The following TARS3 variants were observed in gnomAD, a reference collection of about 807,000 sequenced individuals.
The protein encoded by TARS3 is threonyl-tRNA synthetase 3.
In TARS3, 94 loss-of-function variants were observed where a neutral mutation model predicts 103.5. The observed-to-expected ratio is 0.91, with a 90% CI of 0.77 to 1.08. The LOEUF is 1.08. TARS3 is among the 50% of genes least tolerant of loss of function. TARS3 has a pLI of 0.00. For synonymous variants in TARS3, 416 were observed against 355.4 expected (o/e 1.17, Z -1.92); for missense variants, 952 against 995.2 (o/e 0.96, Z 0.58).
intron 15 of TARS3, among the ~76,000 whole-genome samples, chr15:101,665,193 C>T (rs1452349564): frequency 6.6e-6 from 1 of 152,142 alleles, no homozygotes; most frequent in Non-Finnish European, 1.5e-5. Flanking sequence ...AAAAACAATA[C>T]AACGTTTGCA....
At chr15:101,699,677 G>C (rs1342968413) in intron 10 of TARS3, among the ~76,000 whole-genome samples, 2 of 152,074 alleles carry the variant, frequency 1.3e-5, no homozygotes, top group Non-Finnish European at 2.9e-5. Context: ...CCATTGCCTC[G>C]CATTGGCCAG....
At chr15:101,721,612 G>C (rs1196350595) in intron 2 of TARS3, among the ~76,000 whole-genome samples, 2 of 152,008 alleles carry the variant, frequency 1.3e-5, no homozygotes, top group African/African-American at 2.4e-5. Flanking sequence ...TTCCTGCCTC[G>C]GCCACCCGAG....
At chr15:101,680,436 C>T (rs1898214655) in intron 12 of TARS3, among the ~76,000 whole-genome samples, 1 of 152,114 alleles carries the variant, frequency 6.6e-6, no homozygotes, top group African/African-American at 2.4e-5. Context: ...CAAAACAAAA[C>T]AAAACAAAAA....
At chr15:101,672,919 G>A (rs1252653032) in intron 13 of TARS3, among the ~76,000 whole-genome samples, 1 of 152,152 alleles carries the variant, frequency 6.6e-6, no homozygotes, top group Non-Finnish European at 1.5e-5. Context: ...GGGACTGCAA[G>A]AAGCTAAAAA....
chr15:101,696,836 GC>G (rs1213643656), intron 10 of TARS3, among the ~76,000 whole-genome samples: 6 of 152,152 alleles, frequency 3.9e-5, no homozygotes, highest in Admixed American at 3.9e-4. Flanking sequence ...ACACAACTGA[GC>G]AGCATTTCTT....
At chr15:101,662,087 C>T (rs1432143310) in intron 15 of TARS3, among the ~76,000 whole-genome samples, 1 of 152,134 alleles carries the variant, frequency 6.6e-6, no homozygotes, top group Non-Finnish European at 1.5e-5. Flanking sequence ...CTCAGCTTCA[C>T]AAAATGTCAA....
intron 16 of TARS3, 60 bp downstream of exon 16, chr15:101,661,652 A>G: frequency 9.8e-7 from 1 of 1,023,436 alleles, no homozygotes; most frequent in South Asian, 1.7e-5. Flanking sequence ...AAAAATGAGT[A>G]AATTAATAAA....
chr15:101,671,042 T>C (rs539080222), intron 15 of TARS3, among the ~76,000 whole-genome samples: 1 of 151,502 alleles, frequency 6.6e-6, no homozygotes, highest in East Asian at 1.9e-4. Flanking sequence ...ATCATAACCA[T>C]CAAGCTGTAC....
At chr15:101,722,916 G>A (rs1900560029) in intron 2 of TARS3, among the ~76,000 whole-genome samples, 177 bp downstream of exon 2, 1 of 151,760 alleles carries the variant, frequency 6.6e-6, no homozygotes, top group African/African-American at 2.4e-5. Flanking sequence ...ATTAAACATG[G>A]GCAGCTCATT....
At position 101,711,976 on chromosome 15, in the gene TARS3, A is replaced by C; in HGVS notation, c.716T>G (p.Ile239Ser). The C allele has an allele frequency of 6.2e-7, 1 of 1,613,824 alleles. No homozygotes were observed. The highest frequency in any genetic ancestry group is 8.5e-7 in the Non-Finnish European group (1 of 1,179,772). The part of the protein sequence containing the change: ...QAVYWHSSAH[I>S]LGEAMELYYG... ...GTAAAGCTCCATGGCCTCCCCAAGA[A>C]TGTGAGCACTGGAGTGCCAGTACAC... The change falls in exon 5 of 19, where the codon ATT becomes AGT. Residue 239 changes from isoleucine (I) to serine (S), a missense_variant. Physicochemically the swap from Ile to Ser is moderately radical, Grantham distance 142. Around this residue, in one of 2 missense-constraint regions of TARS3, gnomAD observed 412 missense variants for 364.2 expected, o/e 1.13. Transcript: ENST00000335968.
At chr15:101,676,849 GT>G (rs796469906) in intron 12 of TARS3, among the ~76,000 whole-genome samples, 15 of 149,998 alleles carry the variant, frequency 1.0e-4, no homozygotes, top group African/African-American at 3.7e-4. Context: ...AGGATGTGTA[GT>G]TTGTTACATA....
At chr15:101,678,765 A>G (rs1020317304) in intron 12 of TARS3, among the ~76,000 whole-genome samples, 1 of 152,160 alleles carries the variant, frequency 6.6e-6, no homozygotes, top group African/African-American at 2.4e-5. Flanking sequence ...TATTTTCACA[A>G]TCTTTTTCTT....
In TARS3 at chr15:101,656,989, C is replaced by G. The variant is rs1259539872; in HGVS notation, c.2193G>C (p.Leu731Phe). Residue 731 changes from leucine to phenylalanine, a missense_variant, in exon 18 of 19, where the codon TTG becomes TTC. Coordinates refer to ENST00000335968, the MANE Select transcript of TARS3 (RefSeq NM_152334.3). ...TCTTATTTAGTGTACAACTGTGATC[C>G]AAGTCAACGTCAGCCATAAATCCTT... ...FEEGFMADVD[L>F]DHSCTLNKKI... 6.2e-7 allele frequency: 1 copy of G among 1,613,888 alleles called. No homozygotes were observed. The highest frequency in any genetic ancestry group is 1.7e-5 in the Admixed American group (1 of 60,012).
chr15:101,714,580 TG>T (rs1330263090), intron 4 of TARS3: 1 of 137,038 alleles, frequency 7.3e-6, no homozygotes, highest in Non-Finnish European at 1.3e-5. Flanking sequence ...CACTCCAGTC[TG>T]GGTGACAGAG....
intron 9 of TARS3, among the ~76,000 whole-genome samples, chr15:101,701,839 G>A (rs1045085560): frequency 5.0e-4 from 76 of 152,126 alleles, no homozygotes; most frequent in East Asian, 5.8e-4. Context: ...GCAGTGGAGC[G>A]ATCTCAGCTC....
At chr15:101,657,133 A>C in intron 17 of TARS3, 97 bp from the exon 18 acceptor site, 2 of 752,062 alleles carry the variant, frequency 2.7e-6, no homozygotes, top group Non-Finnish European at 4.5e-6. Context: ...ACCTTTGTAT[A>C]GTTCCCTGCT....
In TARS3 at chr15:101,682,185, A is replaced by G. The variant is rs373516945; in HGVS notation, c.1650+1890T>C. Among the ~76,000 whole-genome samples the G allele has an allele frequency of 2.6e-5, 4 of 152,296 alleles. No individual in the cohort carries two copies. In the East Asian group the frequency reaches 7.7e-4, roughly 29 times the overall value. On this transcript the variant is annotated intron_variant, in intron 12 of 18. Coordinates refer to ENST00000335968, the MANE Select transcript of TARS3 (RefSeq NM_152334.3). ...GTACAATGATCAGAGAAGTAATGAG[A>G]TAATCCTTACCTAATATCTGATTTT...
chr15:101,699,215 T>G (rs1899132834), intron 10 of TARS3: 1 of 267,166 alleles, frequency 3.7e-6, no homozygotes, highest in South Asian at 3.5e-5. Context: ...TTTTTCATGG[T>G]AAGGCCAATT....
intron 16 of TARS3, among the ~76,000 whole-genome samples, chr15:101,661,043 T>A (rs1261974918): frequency 6.6e-6 from 1 of 150,670 alleles, no homozygotes; most frequent in African/African-American, 2.5e-5. Flanking sequence ...CTAGAGCCTG[T>A]GCATCCATGT....
Sources: allele counts gnomAD v4.1 joint callset (sites outside exome capture counted in the v4.1 genomes callset), GRCh38; gene constraint gnomAD v4.1.1; regional missense constraint gnomAD v4.1.1; transcripts MANE v1.5; gene names NCBI Gene and HGNC (gene_info 2026-07-23, HGNC 2026-07-21).